Variants in ADGRL2 observed in about 807,000 individuals in gnomAD.
ADGRL2 encodes the protein calcium-independent alpha-latrotoxin receptor 2.
ADGRL2 carries 44 observed loss-of-function variants against 157.4 expected under a neutral mutation model. That is an observed-to-expected ratio of 0.28 (90% CI 0.22 to 0.36). The LOEUF is 0.36. Among genes scored for constraint, ADGRL2 ranks in the 10% least tolerant of loss-of-function variants. The pLI is 1.00. For missense variants in ADGRL2, 1,510 were observed against 1,768.9 expected (o/e 0.85, Z 2.63); for synonymous variants, 585 against 624.7 (o/e 0.94, Z 0.95).
intron 3 of ADGRL2, among the ~76,000 whole-genome samples, chr1:81,629,718 T>C (rs2081976498): frequency 6.6e-6 from 1 of 151,692 alleles, no homozygotes; most frequent in South Asian, 2.1e-4. Flanking sequence ...TATGTATACA[T>C]ATGTATGTGC....
At chr1:81,582,441 C>T (rs1048282654) in intron 3 of ADGRL2, among the ~76,000 whole-genome samples, 1 of 151,910 alleles carries the variant, frequency 6.6e-6, no homozygotes, top group East Asian at 1.9e-4. Context: ...AAAAAGTGCT[C>T]GTTAGTGATT....
intron 3 of ADGRL2, among the ~76,000 whole-genome samples, chr1:81,673,937 T>C (rs1279547126): frequency 6.6e-6 from 1 of 152,230 alleles, no homozygotes; most frequent in African/African-American, 2.4e-5. Flanking sequence ...GCTTGTGGGA[T>C]GATCCACTTG....
intron 2 of ADGRL2, among the ~76,000 whole-genome samples, chr1:81,487,091 CAAAAAA>C (rs146122539): frequency 3.5e-5 from 3 of 85,282 alleles, no homozygotes; most frequent in Admixed American, 1.5e-4. Flanking sequence ...CTCATCTCTA[CAAAAAA>C]AAAAAAAAAA....
chr1:81,924,752 G>A (rs911239871), intron 3 of ADGRL2, among the ~76,000 whole-genome samples: 3 of 151,980 alleles, frequency 2.0e-5, no homozygotes, highest in South Asian at 2.1e-4. Context: ...GCCGAATTTC[G>A]CTACTATAAT....
chr1:81,728,250 C>G (rs1002754069), intron 1 of ADGRL2, among the ~76,000 whole-genome samples: 3 of 152,106 alleles, frequency 2.0e-5, no homozygotes, highest in Admixed American at 1.3e-4. Context: ...AAACTTGTAG[C>G]CTGATTTTGG....
chr1:81,676,423 G>A (rs989369219), intron 3 of ADGRL2, among the ~76,000 whole-genome samples: 7 of 151,796 alleles, frequency 4.6e-5, no homozygotes, highest in Admixed American at 2.0e-4. Flanking sequence ...TCAGCCTCCC[G>A]AATAGCTAGG....
rs1206239294 is a variant in ADGRL2, at chr1:81,950,244, A to G, written c.1266A>G (p.Ile422Met). ...CAGCTGAGCTGTTCAAAACCATAAT[A>G]TCAACCACAAGCACTACTTCACAGA... ...TSSAELFKTIISTTSTTSQKG... is the reference protein window; with the variant it reads ...TSSAELFKTIMSTTSTTSQKG... Residue 422 changes from isoleucine (I) to methionine (M), a missense_variant, in exon 7 of 24, where the codon ATA (isoleucine) becomes ATG (methionine). Coordinates refer to ENST00000686636, the MANE Select transcript of ADGRL2 (RefSeq NM_001366006.2). 1.2e-6 allele frequency: 2 copies of G among 1,614,070 alleles called. No individual in the cohort carries two copies. Among genetic ancestry groups the G allele is most frequent in the Non-Finnish European group, 1.7e-6 (2 of 1,179,954 alleles).
At chr1:81,334,419 A>C (rs370282915) in intron 1 of ADGRL2, among the ~76,000 whole-genome samples, 1 of 152,202 alleles carries the variant, frequency 6.6e-6, no homozygotes, top group Non-Finnish European at 1.5e-5. Flanking sequence ...CATTTCTTTT[A>C]AACATTTTTC....
At chr1:81,885,123 C>A (rs1195574689) in intron 2 of ADGRL2, among the ~76,000 whole-genome samples, 2 of 151,886 alleles carry the variant, frequency 1.3e-5, no homozygotes, top group African/African-American at 4.8e-5. Context: ...GAAAAACGAC[C>A]AATACGAATA....
chr1:81,485,461 T>C (rs545950277), intron 2 of ADGRL2, among the ~76,000 whole-genome samples: 21 of 152,174 alleles, frequency 1.4e-4, no homozygotes, highest in Non-Finnish European at 2.9e-4. Context: ...GTATCTGATA[T>C]TAAAGCAGAA....
Position 81,691,634 on chromosome 1 carries a change from G to A in ADGRL2, c.-142-70177G>A, listed in dbSNP as rs1249552490. ...CTGCCTCAGCCTCTCGAGTAGCTGG[G>A]ATTACAGGCGTGTGCCACTACACTT... On this transcript the variant is annotated intron_variant, in intron 3 of 24. Transcript: ENST00000370721. Among the ~76,000 whole-genome samples, 4 of 151,878 alleles carry A rather than the reference G, an allele frequency of 2.6e-5. No homozygotes were observed. In the East Asian group the frequency reaches 7.8e-4, roughly 30 times the overall value.
chr1:81,625,926 T>C (rs540914791), intron 3 of ADGRL2, among the ~76,000 whole-genome samples: 112 of 152,286 alleles, frequency 7.4e-4, no homozygotes, highest in African/African-American at 2.6e-3. Flanking sequence ...AAGTTCCTTA[T>C]TTTAAAAAGC....
In ADGRL2 at chr1:81,390,643, T is replaced by C. The variant is rs575667512; in HGVS notation, c.-301-54393T>C. ...TTCCATACCTATCCTAATAGATTTA[T>C]GTAGTTTTTCATACAGAAAGGGAAT... On this transcript the variant is annotated intron_variant, in intron 1 of 24. Transcript: ENST00000370721. Among the ~76,000 whole-genome samples, 21 of 152,414 alleles carry C rather than the reference T, an allele frequency of 1.4e-4. No homozygotes were observed. The East Asian group carries it at 3.5e-3, about 25-fold the overall frequency.
chr1:81,491,247 A>G (rs9662690), intron 2 of ADGRL2, among the ~76,000 whole-genome samples: 22,243 of 152,204 alleles, frequency 0.15, 3,017 homozygotes, highest in African/African-American at 0.36. Context: ...CTCTAAAACA[A>G]GCTAAATTAT....
intron 1 of ADGRL2, among the ~76,000 whole-genome samples, chr1:81,803,158 C>A (rs148560333): frequency 1.0e-3 from 154 of 152,062 alleles, no homozygotes; most frequent in Middle Eastern, 3.4e-3. Context: ...TGGGGAGTGG[C>A]GACGAGAGAA....
At chr1:81,554,404 C>T (rs917935672) in intron 2 of ADGRL2, among the ~76,000 whole-genome samples, 1 of 152,146 alleles carries the variant, frequency 6.6e-6, no homozygotes, top group African/African-American at 2.4e-5. Context: ...TGAGCTCTTG[C>T]TGCTGGGTTC....
At chr1:81,551,524 C>CTAT (rs2080146314) in intron 2 of ADGRL2, among the ~76,000 whole-genome samples, 2 of 152,152 alleles carry the variant, frequency 1.3e-5, no homozygotes, top group African/African-American at 4.8e-5. Flanking sequence ...ATCTAATATG[C>CTAT]TATTACATTG....
At position 81,366,276 on chromosome 1, in the gene ADGRL2, T is replaced by A. The variant is rs571382342; in HGVS notation, c.-302+59767T>A. On this transcript the variant is annotated intron_variant, in intron 1 of 24. Coordinates refer to the ADGRL2 transcript ENST00000370721. The stretch of plus-strand genomic sequence containing the variant: ...CTCTTCACTAAGGAACCCACCAAGA[T>A]ATGACACATTTGGCTCCAGAAAAAA... Among the ~76,000 whole-genome samples, 30 of 145,596 alleles carry A rather than the reference T, an allele frequency of 2.1e-4. No homozygotes were observed. In the East Asian group the frequency reaches 4.6e-3, roughly 22 times the overall value.
intron 3 of ADGRL2, among the ~76,000 whole-genome samples, chr1:81,617,116 C>CT (rs1178421560): frequency 6.6e-6 from 1 of 152,222 alleles, no homozygotes; most frequent in African/African-American, 2.4e-5. Flanking sequence ...GGCCTGAGGC[C>CT]TATTAGGAAC....
Sources: gnomAD v4.1 joint callset for allele counts (sites outside exome capture counted in the v4.1 genomes callset) on GRCh38, gnomAD v4.1.1 for gene constraint, MANE v1.5 for transcripts, NCBI Gene and HGNC (gene_info 2026-07-23, HGNC 2026-07-21) for gene names.